The following FCHO2 variants were observed in gnomAD, a reference collection of about 807,000 sequenced individuals.
FCHO2 encodes F-BAR domain only protein 2.
Under a neutral mutation model 114.1 loss-of-function variants are expected in FCHO2, and 43 were observed. The ratio of observed to expected loss-of-function variants is 0.38; its 90% CI spans 0.30 to 0.49. The LOEUF (loss-of-function observed/expected upper bound fraction) is 0.49, where lower values mean the gene tolerates loss of function less well. Ranked by LOEUF, FCHO2 falls within the 20% of genes least tolerant of loss-of-function variation. FCHO2 has a pLI of 0.97. For missense variants in FCHO2, 807 were observed against 950.4 expected, an observed-to-expected ratio of 0.85 and a Z score of 1.98; for synonymous variants, 293 against 315.2, an observed-to-expected ratio of 0.93 and a Z score of 0.75.
intron 2 of FCHO2, among the ~76,000 whole-genome samples, chr5:72,983,510 T>C (rs570815971): frequency 7.9e-5 from 12 of 151,760 alleles, no homozygotes; most frequent in Admixed American, 5.9e-4. Context: ...ACTATACATA[T>C]GTGGCACCAT....
intron 12 of FCHO2, 73 bp downstream of exon 12, chr5:73,051,479 A>T (rs1278127057): frequency 6.7e-6 from 6 of 890,030 alleles, no homozygotes; most frequent in Non-Finnish European, 1.0e-5. Flanking sequence ...AAAATCATGT[A>T]TTAAAGCCTC....
At chr5:72,988,314 TG>T (rs1188868088) in intron 2 of FCHO2, among the ~76,000 whole-genome samples, 1 of 152,084 alleles carries the variant, frequency 6.6e-6, no homozygotes, top group African/African-American at 2.4e-5. Context: ...GGCGGGTGCC[TG>T]TAGTCCCAGC....
At chr5:72,963,975 AG>A (rs1246475199) in intron 1 of FCHO2, among the ~76,000 whole-genome samples, 2 of 148,526 alleles carry the variant, frequency 1.3e-5, no homozygotes, top group East Asian at 2.0e-4. Context: ...GATGTGAACA[AG>A]ATGCCAGTTT....
At chr5:72,972,465 T>A (rs887681727) in intron 2 of FCHO2, among the ~76,000 whole-genome samples, 9 of 152,226 alleles carry the variant, frequency 5.9e-5, no homozygotes, top group African/African-American at 2.2e-4. Flanking sequence ...TTGAAGCAAT[T>A]GTGAGTGGGA....
chr5:73,059,661 C>T (rs766883988), intron 17 of FCHO2, among the ~76,000 whole-genome samples: 35 of 151,990 alleles, frequency 2.3e-4, no homozygotes, highest in South Asian at 6.2e-4. Context: ...AAACACTAAA[C>T]GCTATTTGAC....
intron 1 of FCHO2, among the ~76,000 whole-genome samples, chr5:72,966,317 C>G (rs1341034678): frequency 6.6e-6 from 1 of 152,126 alleles, no homozygotes; most frequent in African/African-American, 2.4e-5. Context: ...GTTTCAAACC[C>G]TTATCTTTTT....
intron 2 of FCHO2, among the ~76,000 whole-genome samples, chr5:72,975,302 G>A (rs1021315584): frequency 1.3e-5 from 2 of 152,088 alleles, no homozygotes; most frequent in Non-Finnish European, 2.9e-5. Context: ...AGGAAAAAAC[G>A]TAAACTTTGT....
chr5:73,084,769 A>G (rs1743239384), intron 24 of FCHO2, among the ~76,000 whole-genome samples: 1 of 152,208 alleles, frequency 6.6e-6, no homozygotes, highest in South Asian at 2.1e-4. Context: ...CTGGAGAGCC[A>G]TACATTGGGT....
intron 20 of FCHO2, 140 bp downstream of exon 20, chr5:73,074,993 T>C: frequency 1.5e-6 from 1 of 658,338 alleles, no homozygotes; most frequent in South Asian, 2.3e-5. Context: ...TACCTGCTTT[T>C]TTGCTATCTA....
At chr5:72,963,735 G>A (rs1291134249) in intron 1 of FCHO2, among the ~76,000 whole-genome samples, 1 of 151,820 alleles carries the variant, frequency 6.6e-6, no homozygotes, top group Non-Finnish European at 1.5e-5. Context: ...AAAATTTGTA[G>A]GGACGAGGTC....
chr5:73,040,365 C>CT (rs1367748244), intron 10 of FCHO2, among the ~76,000 whole-genome samples: 4 of 152,082 alleles, frequency 2.6e-5, no homozygotes, highest in African/African-American at 9.7e-5. Context: ...TTTTGGAGCA[C>CT]TTTGGATTTC....
chr5:73,022,197 A>G (rs1006414863), intron 8 of FCHO2, among the ~76,000 whole-genome samples: 5 of 152,180 alleles, frequency 3.3e-5, no homozygotes, highest in African/African-American at 1.2e-4. Context: ...GTGAACCTAA[A>G]CTGATGAACG....
At chr5:72,993,606 A>G (rs548156819) in intron 5 of FCHO2, among the ~76,000 whole-genome samples, 5 of 152,260 alleles carry the variant, frequency 3.3e-5, no homozygotes, top group African/African-American at 1.2e-4. Context: ...TGCATTTTCA[A>G]TTGATGGTAT....
At chr5:73,024,947 G>A (rs536068152) in intron 8 of FCHO2, among the ~76,000 whole-genome samples, 1 of 152,176 alleles carries the variant, frequency 6.6e-6, no homozygotes, top group East Asian at 1.9e-4. Flanking sequence ...GATATACGAA[G>A]TCATGTAGAA....
Position 72,983,062 on chromosome 5 carries a change from C to T in FCHO2, c.126-6365C>T, listed in dbSNP as rs368771133. Among the ~76,000 whole-genome samples, 177 of 151,804 alleles carry T rather than the reference C, an allele frequency of 1.2e-3. 2 individuals are homozygous for T. In the East Asian group the frequency reaches 0.025, roughly 21 times the overall value. On this transcript the variant is annotated intron_variant, in intron 2 of 25. Transcript: ENST00000430046. ...CCGAGTAGCTGGGACTACAGGCACC[C>T]GCCACCACACCCGGCTAATTTTTGT...
chr5:73,033,827 A>T (rs1215943621), intron 8 of FCHO2, among the ~76,000 whole-genome samples: 3 of 152,284 alleles, frequency 2.0e-5, no homozygotes, highest in African/African-American at 7.2e-5. Context: ...CACATATATG[A>T]AGTATGCCAT....
Position 73,078,243 on chromosome 5 carries a change from C to A in FCHO2, c.1911C>A (p.Val637=). The A allele has an allele frequency of 6.3e-7, 1 of 1,592,224 alleles. No individual in the cohort carries two copies. Among genetic ancestry groups the A allele is most frequent in the Non-Finnish European group, 8.6e-7 (1 of 1,168,668 alleles). The change falls in exon 22 of 26, where the codon GTC becomes GTA. Residue 637 remains valine, a synonymous_variant. Coordinates refer to ENST00000430046, the MANE Select transcript of FCHO2 (RefSeq NM_138782.3). ...GGATGAACATGCAAGCTGTTACAGT[C>A]TACCTCAAGAAGCTGTCAGAGCAAA... is the stretch of plus-strand genomic sequence containing the variant. ...DFWMNMQAVT[V]YLKKLSEQNP...
intron 1 of FCHO2, among the ~76,000 whole-genome samples, chr5:72,956,482 C>G (rs1241313747): frequency 6.6e-6 from 1 of 151,762 alleles, no homozygotes; most frequent in Non-Finnish European, 1.5e-5. Flanking sequence ...AGCTCGGACG[C>G]GAAGGACGGG....
chr5:72,957,539 T>G (rs957562816), intron 1 of FCHO2, among the ~76,000 whole-genome samples: 9 of 152,252 alleles, frequency 5.9e-5, no homozygotes, highest in African/African-American at 1.9e-4. Context: ...GTATCACTAC[T>G]AATTCCTTTT....
Sources: gnomAD v4.1 joint callset for allele counts (sites outside exome capture counted in the v4.1 genomes callset) on GRCh38, gnomAD v4.1.1 for gene constraint, MANE v1.5 for transcripts, NCBI Gene and HGNC (gene_info 2026-07-23, HGNC 2026-07-21) for gene names.